Variants in GPR180 observed in about 807,000 individuals in gnomAD.
GPR180 encodes G protein-coupled receptor 180, also known as integral membrane protein GPR180.
Under a neutral mutation model 52.6 loss-of-function variants are expected in GPR180, and 53 were observed. The ratio of observed to expected loss-of-function variants is 1.01; its 90% CI spans 0.81 to 1.27. The LOEUF is 1.27. Among genes scored for constraint, GPR180 ranks in the 50% most tolerant of loss-of-function variants. The pLI is 0.00. For synonymous variants in GPR180, 200 were observed against 193.1 expected, an observed-to-expected ratio of 1.04 and a Z score of -0.30; for missense variants, 533 against 527.0, an observed-to-expected ratio of 1.01 and a Z score of -0.11.
chr13:94,629,759 G>T lies in GPR180; in HGVS notation c.*2588G>T, dbSNP rs527817245. Reference sequence around the variant, plus strand: ...TTTGAACCTGGCTTTTAACCAGACAGTATTACTAGCAGGAGAGTTAATCTA... The same window carrying T: ...TTTGAACCTGGCTTTTAACCAGACATTATTACTAGCAGGAGAGTTAATCTA... On this transcript the variant is annotated 3_prime_UTR_variant, in exon 9 of 9. Coordinates refer to ENST00000376958, the MANE Select transcript of GPR180 (RefSeq NM_180989.6). 6.6e-6 allele frequency: 1 copy of T among 152,316 alleles called. No homozygotes were observed. The highest frequency in any genetic ancestry group is 2.4e-5 in the African/African-American group (1 of 41,568). The allele number at this position is 152,316 out of a possible 1,614,324, so 9.4% of individuals were successfully genotyped here. A position where few individuals can be genotyped will look rare whatever the true frequency, so the allele number is the denominator to read the frequency against.
chr13:94,609,559 G>A (rs1226551794), intron 2 of GPR180, among the ~76,000 whole-genome samples: 2 of 151,954 alleles, frequency 1.3e-5, no homozygotes, highest in Non-Finnish European at 2.9e-5. Context: ...AGAGAAAAAG[G>A]GCAAATGATA....
At chr13:94,610,133 A>G (rs1388558099) in intron 2 of GPR180, among the ~76,000 whole-genome samples, 1 of 152,206 alleles carries the variant, frequency 6.6e-6, no homozygotes, top group Non-Finnish European at 1.5e-5. Flanking sequence ...AGCAGCAGGT[A>G]TCACAGTTTG....
At chr13:94,608,326 T>C (rs1050241736) in intron 2 of GPR180, among the ~76,000 whole-genome samples, 2 of 152,230 alleles carry the variant, frequency 1.3e-5, no homozygotes, top group Admixed American at 1.3e-4. Flanking sequence ...AGGATGGAGT[T>C]ACTTATGTAT....
chr13:94,619,120 T>C, intron 3 of GPR180, 30 bp from the exon 4 acceptor site: 1 of 1,580,460 alleles, frequency 6.3e-7, no homozygotes, highest in African/African-American at 1.4e-5. Context: ...TTTGTTTTAC[T>C]GAAGCAAACT....
At chr13:94,602,571 G>A (rs1239890616) in intron 1 of GPR180, among the ~76,000 whole-genome samples, 1 of 147,446 alleles carries the variant, frequency 6.8e-6, no homozygotes, top group Non-Finnish European at 1.5e-5. Context: ...ACTTGATAAT[G>A]TAGTTGTTAT....
Position 94,621,247 on chromosome 13 carries a change from T to C in GPR180, c.894+12T>C, listed in dbSNP as rs561830739. Reference sequence around the variant, plus strand: ...TTGTCATGACACAGGTGGGTATTGATACTCAGTGTTTCTGCTTAGTAATCC... The same window carrying C: ...TTGTCATGACACAGGTGGGTATTGACACTCAGTGTTTCTGCTTAGTAATCC... On this transcript the variant is annotated intron_variant, in intron 6 of 8. Coordinates refer to ENST00000376958, the MANE Select transcript of GPR180 (RefSeq NM_180989.6). 2 of 1,562,128 alleles carry C rather than the reference T, an allele frequency of 1.3e-6. No individual in the cohort carries two copies. The highest frequency in any genetic ancestry group is 4.7e-5 in the East Asian group (2 of 42,158).
At position 94,601,924 on chromosome 13, in the gene GPR180, G is replaced by C. The variant is rs535939115; in HGVS notation, c.-4G>C. On this transcript the variant is annotated 5_prime_UTR_variant, in exon 1 of 9. Coordinates refer to ENST00000376958, the MANE Select transcript of GPR180 (RefSeq NM_180989.6). Reference sequence around the variant, plus strand: ...GAGGCGTCGGTGCAGACCTGGAGACGGGCATGGGGGGGCTGCGGCTGCTGG... The same window carrying C: ...GAGGCGTCGGTGCAGACCTGGAGACCGGCATGGGGGGGCTGCGGCTGCTGG... 4.0e-6 allele frequency: 6 copies of C among 1,484,236 alleles called. No homozygotes were observed. Among genetic ancestry groups the C allele is most frequent in the Non-Finnish European group, 5.3e-6 (6 of 1,122,278 alleles). 91.9% of individuals were successfully genotyped at this position (1,484,236 alleles called of 1,614,324 possible).
chr13:94,619,349 A>G lies in GPR180; in HGVS notation c.686+19A>G. 6.2e-7 allele frequency: 1 copy of G among 1,612,150 alleles called. No individual in the cohort carries two copies. The highest frequency in any genetic ancestry group is 8.5e-7 in the Non-Finnish European group (1 of 1,178,668). On this transcript the variant is annotated intron_variant, in intron 4 of 8. Transcript: ENST00000376958. ...TCTCCAGGTAACTCAAAACCACTAA[A>G]ACTGTGTTCATCATTACATCTAATT... is the stretch of plus-strand genomic sequence containing the variant.
Position 94,628,372 on chromosome 13 carries a change from G to C in GPR180, c.*1201G>C, listed in dbSNP as rs1889953402. 6.6e-6 allele frequency: 1 copy of C among 151,924 alleles called. No individual in the cohort carries two copies. Among genetic ancestry groups the C allele is most frequent in the Non-Finnish European group, 1.5e-5 (1 of 67,888 alleles). 9.4% of individuals were successfully genotyped at this position (151,924 alleles called of 1,614,324 possible). A position where few individuals can be genotyped will look rare whatever the true frequency, so the allele number is the denominator to read the frequency against. The stretch of plus-strand genomic sequence containing the variant: ...ATAGTCACTGATTGGAAATTATTCT[G>C]TTGCTGTTTGTCAAGCTGTTCAGGC... On this transcript the variant is annotated 3_prime_UTR_variant, in exon 9 of 9. Coordinates refer to ENST00000376958, the MANE Select transcript of GPR180 (RefSeq NM_180989.6).
intron 7 of GPR180, 149 bp from the exon 8 acceptor site, chr13:94,625,817 A>C (rs995761143): frequency 2.3e-6 from 1 of 436,216 alleles, no homozygotes; most frequent in African/African-American, 2.0e-5. Flanking sequence ...AGCAACAGTA[A>C]ATTTATTTCT....
chr13:94,625,422 AT>A (rs1889916483), intron 7 of GPR180, among the ~76,000 whole-genome samples: 1 of 151,936 alleles, frequency 6.6e-6, no homozygotes. Flanking sequence ...CTTATTTTTT[AT>A]TTCAAATTTA....
At position 94,612,242 on chromosome 13, in the gene GPR180, A is replaced by G; in HGVS notation, c.357A>G (p.Pro119=). The change falls in exon 3 of 9, where the codon CCA becomes CCG. Residue 119 remains proline (P), a synonymous_variant. Coordinates refer to ENST00000376958, the MANE Select transcript of GPR180 (RefSeq NM_180989.6). ...TGACAGTGTCCCAGATTCCGTCTCC[A>G]CAAACGTGGCATGTGTTTTATGCAG... ...HNLTVSQIPS[P]QTWHVFYADK... is the part of the protein sequence containing the mutation. 6.2e-7 allele frequency: 1 copy of G among 1,614,184 alleles called. No individual in the cohort carries two copies. The highest frequency in any genetic ancestry group is 1.3e-5 in the African/African-American group (1 of 75,066).
intron 1 of GPR180, among the ~76,000 whole-genome samples, chr13:94,604,562 C>A (rs1403059195): frequency 6.6e-6 from 1 of 151,870 alleles, no homozygotes; most frequent in Non-Finnish European, 1.5e-5. Context: ...TGCACTCCAG[C>A]CTGAGTGACA....
At position 94,625,908 on chromosome 13, in the gene GPR180, G is replaced by C. The variant is rs1889922473; in HGVS notation, c.1087-58G>C. 3 of 1,315,542 alleles carry C rather than the reference G, an allele frequency of 2.3e-6. No homozygotes were observed. In the South Asian group the frequency reaches 3.9e-5, roughly 17 times the overall value. 81.5% of individuals were successfully genotyped at this position (1,315,542 alleles called of 1,614,324 possible). A position where few individuals can be genotyped will look rare whatever the true frequency, so the allele number is the denominator to read the frequency against. Reference sequence around the variant, plus strand: ...AATGCTAGTAACATTTTTTTGTCTGGTACATGCTGAAAAAAAGCTACACAG... The same window carrying C: ...AATGCTAGTAACATTTTTTTGTCTGCTACATGCTGAAAAAAAGCTACACAG... On this transcript the variant is annotated intron_variant, in intron 7 of 8. Transcript: ENST00000376958.
At position 94,627,097 on chromosome 13, in the gene GPR180, G is replaced by A. The variant is rs781174457; in HGVS notation, c.1249G>A (p.Glu417Lys). ...RLFLSHSLYW[E>K]VSSLSSVTLP... ...CTTTCTGTCTCACAGTCTATACTGG[G>A]AAGTTTCTTCACTTTCTTCAGTAAC... The change falls in exon 9 of 9, where the codon GAA becomes AAA. Residue 417 changes from glutamate to lysine, a missense_variant. By Grantham distance (56) the Glu-to-Lys change is moderately conservative. Coordinates refer to ENST00000376958, the MANE Select transcript of GPR180 (RefSeq NM_180989.6). The A allele has an allele frequency of 7.4e-6, 12 of 1,612,914 alleles. No individual in the cohort carries two copies. In the South Asian group the frequency reaches 1.3e-4, roughly 18 times the overall value.
intron 2 of GPR180, among the ~76,000 whole-genome samples, chr13:94,610,932 T>C (rs1889694986): frequency 6.6e-6 from 1 of 152,196 alleles, no homozygotes; most frequent in Non-Finnish European, 1.5e-5. Flanking sequence ...CTACCTTGTT[T>C]TAAAGAAAGG....
At chr13:94,624,048 C>T (rs1430458839) in intron 7 of GPR180, among the ~76,000 whole-genome samples, 1 of 152,198 alleles carries the variant, frequency 6.6e-6, no homozygotes, top group African/African-American at 2.4e-5. Flanking sequence ...AGGCTGAGTC[C>T]ATGTGTTTCA....
rs1300968089 is a variant in GPR180, at chr13:94,601,886, G to A, written c.-42G>A. ...GCCGACGTGGGGCGGGCAGCCGCCG[G>A]CGGCTGGGAGCCGAGGCGTCGGTGC... On this transcript the variant is annotated 5_prime_UTR_variant, in exon 1 of 9. Coordinates refer to ENST00000376958, the MANE Select transcript of GPR180 (RefSeq NM_180989.6). 5 of 1,345,314 alleles carry A rather than the reference G, an allele frequency of 3.7e-6. No individual in the cohort carries two copies. The highest frequency in any genetic ancestry group is 2.7e-4 in the Middle Eastern group (1 of 3,722). 83.3% of individuals were successfully genotyped at this position (1,345,314 alleles called of 1,614,324 possible).
intron 7 of GPR180, among the ~76,000 whole-genome samples, chr13:94,624,005 A>C (rs1259744797): frequency 6.6e-6 from 1 of 152,182 alleles, no homozygotes; most frequent in African/African-American, 2.4e-5. Context: ...AACAGTTAGG[A>C]GCTATCCTTC....
Sources: allele counts gnomAD v4.1 joint callset (sites outside exome capture counted in the v4.1 genomes callset), GRCh38; gene constraint gnomAD v4.1.1; transcripts MANE v1.5; gene names NCBI Gene and HGNC (gene_info 2026-07-23, HGNC 2026-07-21).